The following GKN2 variants were observed in gnomAD, a reference collection of about 807,000 sequenced individuals.
GKN2 encodes the protein gastrokine-2.
A neutral mutation model predicts 22.7 loss-of-function variants in GKN2; 17 were observed. The ratio of observed to expected loss-of-function variants is 0.75; its 90% CI spans 0.51 to 1.13. The LOEUF is 1.13. GKN2 is among the 50% of genes most tolerant of loss of function. The pLI, the probability that GKN2 is intolerant of heterozygous loss-of-function variation, is 0.00. For synonymous variants in GKN2, 82 were observed against 79.6 expected (o/e 1.03, Z -0.16); for missense variants, 248 against 221.4 (o/e 1.12, Z -0.76).
chr2:68,950,991 T>G (rs1476089019), intron 1 of GKN2, among the ~76,000 whole-genome samples: 3 of 152,120 alleles, frequency 2.0e-5, no homozygotes, highest in Non-Finnish European at 4.4e-5. Context: ...GGTGCTACAA[T>G]TGCCACCTAA....
In GKN2 at chr2:68,947,167, A is replaced by T; in HGVS notation, c.295T>A (p.Trp99Arg). 1 of 1,611,200 alleles carries T rather than the reference A, an allele frequency of 6.2e-7. No homozygotes were observed. The highest frequency in any genetic ancestry group is 8.5e-7 in the Non-Finnish European group (1 of 1,177,356). ...QNIPPLNNLQ[W>R]YIYEKQALDN... is the part of the protein sequence containing the mutation. Reference sequence around the variant, plus strand: ...ATTACCTGTTTCTCATAGATGTACCATTGGAGATTGTTCAGAGGAGGGATG... The same window carrying T: ...ATTACCTGTTTCTCATAGATGTACCTTTGGAGATTGTTCAGAGGAGGGATG... Residue 99 changes from tryptophan to arginine, a missense_variant, in exon 4 of 6, where the codon TGG becomes AGG. Transcript: ENST00000328895.
intron 3 of GKN2, among the ~76,000 whole-genome samples, chr2:68,948,243 C>CAAAAA (rs765228049): frequency 1.6e-4 from 6 of 37,974 alleles, no homozygotes; most frequent in Admixed American, 2.8e-4. Flanking sequence ...GAGACTCCGT[C>CAAAAA]AAAAAAAAAA....
chr2:68,948,459 G>A (rs1018271449), intron 3 of GKN2, among the ~76,000 whole-genome samples: 7 of 152,130 alleles, frequency 4.6e-5, no homozygotes, highest in African/African-American at 1.7e-4. Context: ...GTTAGACAGT[G>A]CTGCTTTAGG....
intron 3 of GKN2, among the ~76,000 whole-genome samples, chr2:68,949,689 G>A (rs1054819330): frequency 4.6e-5 from 7 of 152,098 alleles, no homozygotes; most frequent in African/African-American, 1.7e-4. Context: ...CAAAGTGCTG[G>A]GATTACAGGC....
chr2:68,945,406 T>C lies in GKN2; in HGVS notation c.517A>G (p.Ile173Val), dbSNP rs749069078. ...GGCAKAGLLG[I>V]LGISICADIH... is the part of the protein sequence containing the mutation. Reference sequence around the variant, plus strand: ...TCTGCACAGATTGAAATTCCCAAGATGCCCAGGAGCCCAGCCTTTGCACAG... The same window carrying C: ...TCTGCACAGATTGAAATTCCCAAGACGCCCAGGAGCCCAGCCTTTGCACAG... Residue 173 changes from isoleucine to valine, a missense_variant, in exon 6 of 6, where the codon ATC (isoleucine) becomes GTC (valine). By Grantham distance (29) the Ile-to-Val change is conservative. Coordinates refer to ENST00000328895, the MANE Select transcript of GKN2 (RefSeq NM_182536.3). The C allele has an allele frequency of 2.5e-5, 41 of 1,611,634 alleles. No individual in the cohort carries two copies. The South Asian group carries it at 3.7e-4, about 15-fold the overall frequency.
intron 4 of GKN2, 86 bp from the exon 5 acceptor site, chr2:68,946,546 T>C (rs1201015383): frequency 8.8e-7 from 1 of 1,138,960 alleles, no homozygotes; most frequent in Non-Finnish European, 1.2e-6. Context: ...AATTTTTCTC[T>C]TTCAGATTAT....
chr2:68,950,705 G>A lies in GKN2; in HGVS notation c.63C>T (p.Tyr21=), dbSNP rs756580009. The change falls in exon 2 of 6, where the codon TAC becomes TAT. Residue 21 remains tyrosine, a synonymous_variant. Transcript: ENST00000328895. Reference sequence around the variant, plus strand: ...AGTCCATAAGGAACCAACTCACCTCGTATCCATGAGATTGTATCCCAAAGA... The same window carrying A: ...AGTCCATAAGGAACCAACTCACCTCATATCCATGAGATTGTATCCCAAAGA... The part of the protein sequence containing the change: ...LTIFGIQSHG[Y]EVFNIISPSN... The A allele has an allele frequency of 1.2e-5, 19 of 1,613,488 alleles. No homozygotes were observed. Among genetic ancestry groups the A allele is most frequent in the South Asian group, 4.4e-5 (4 of 91,076 alleles).
At position 68,945,413 on chromosome 2, in the gene GKN2, G is replaced by A. The variant is rs1208143160; in HGVS notation, c.510C>T (p.Leu170=). ...AGATTGAAATTCCCAAGATGCCCAG[G>A]AGCCCAGCCTTTGCACAGCCTCCAG... ...VGAGGCAKAG[L]LGILGISICA... is the part of the protein sequence containing the mutation. The change falls in exon 6 of 6, where the codon CTC becomes CTT. Residue 170 remains leucine, a synonymous_variant. Transcript: ENST00000328895. 3 of 1,611,490 alleles carry A rather than the reference G, an allele frequency of 1.9e-6. No individual in the cohort carries two copies. The Admixed American group carries it at 5.0e-5, about 27-fold the overall frequency.
At position 68,946,306 on chromosome 2, in the gene GKN2, G is replaced by T. The variant is rs1277229472; in HGVS notation, c.470C>A (p.Thr157Lys). 6.2e-7 allele frequency: 1 copy of T among 1,606,310 alleles called. No homozygotes were observed. ...GTGAATGACTTATTGGTACTCACGT[G>T]TGTTTTCAACCACTTCCCCCTTATA... ...PLYKGEVVENTHNVGAGGCAK... is the reference protein window; with the variant it reads ...PLYKGEVVENKHNVGAGGCAK... Residue 157 changes from threonine (T) to lysine (K), a missense_variant and splice_region_variant, in exon 5 of 6, where the codon ACA becomes AAA. Thr to Lys is a moderately conservative substitution (Grantham distance 78, BLOSUM62 -1). Coordinates refer to ENST00000328895, the MANE Select transcript of GKN2 (RefSeq NM_182536.3).
At chr2:68,949,250 C>A (rs1359525832) in intron 3 of GKN2, among the ~76,000 whole-genome samples, 1 of 152,158 alleles carries the variant, frequency 6.6e-6, no homozygotes, top group Non-Finnish European at 1.5e-5. Context: ...GTATCTAACA[C>A]TTGAAAATAG....
In GKN2 at chr2:68,945,507, A is replaced by G. The variant is rs951768623; in HGVS notation, c.473-57T>C. 7.1e-6 allele frequency: 9 copies of G among 1,265,224 alleles called. No homozygotes were observed. The African/African-American group carries it at 1.4e-4, about 19-fold the overall frequency. 78.4% of individuals were successfully genotyped at this position (1,265,224 alleles called of 1,614,324 possible). ...CATTAAAAAATATATTATTGGAATTATTAGAATAATAATACATTAGCTTAA... is the reference window on the plus strand; with the variant it reads ...CATTAAAAAATATATTATTGGAATTGTTAGAATAATAATACATTAGCTTAA... On this transcript the variant is annotated intron_variant, in intron 5 of 5. Transcript: ENST00000328895.
At chr2:68,948,129 C>A (rs1316236787) in intron 3 of GKN2, among the ~76,000 whole-genome samples, 3 of 151,554 alleles carry the variant, frequency 2.0e-5, no homozygotes, top group African/African-American at 7.3e-5. Flanking sequence ...ACCTGTAGTC[C>A]CAGCTACTCG....
At position 68,946,449 on chromosome 2, in the gene GKN2, G is replaced by A; in HGVS notation, c.327C>T (p.Asn109=). ...WYIYEKQALD[N]MFSSKYTWVK... is the part of the protein sequence containing the mutation. ...CCCAGGTGTATTTGCTGGAGAACAT[G>A]TTGTCCAGAGCCTAGATCGGTATAA... The change falls in exon 5 of 6, where the codon AAC becomes AAT. Residue 109 remains asparagine (N), a synonymous_variant. Coordinates refer to ENST00000328895, the MANE Select transcript of GKN2 (RefSeq NM_182536.3). The A allele has an allele frequency of 6.2e-7, 1 of 1,609,068 alleles. No homozygotes were observed. Among genetic ancestry groups the A allele is most frequent in the Admixed American group, 1.7e-5 (1 of 58,616 alleles).
chr2:68,948,771 T>C (rs1360337699), intron 3 of GKN2, among the ~76,000 whole-genome samples: 3 of 152,268 alleles, frequency 2.0e-5, no homozygotes, highest in African/African-American at 7.2e-5. Flanking sequence ...GAAATCTTTC[T>C]GGTTCTTATT....
intron 3 of GKN2, 142 bp from the exon 4 acceptor site, chr2:68,947,399 C>T: frequency 3.3e-6 from 2 of 605,102 alleles, no homozygotes; most frequent in African/African-American, 1.8e-5. Context: ...CTGCAATCAA[C>T]TTTATCCACT....
chr2:68,950,517 T>C (rs1669840532), intron 2 of GKN2, among the ~76,000 whole-genome samples, 185 bp downstream of exon 2: 1 of 152,236 alleles, frequency 6.6e-6, no homozygotes, highest in African/African-American at 2.4e-5. Flanking sequence ...AAGCAATGGC[T>C]TACATTTGCA....
chr2:68,950,188 T>G lies in GKN2; in HGVS notation c.142A>C (p.Thr48Pro), dbSNP rs79650871. The stretch of plus-strand genomic sequence containing the variant: ...CCTGCATGGATGTTAATGATGGCGG[T>G]ATTTTTTTCATTATCAATTGTCACT... ...ETVTIDNEKN[T>P]AIINIHAGSC... Residue 48 changes from threonine (T) to proline (P), a missense_variant, in exon 3 of 6, where the codon ACC becomes CCC. By Grantham distance (38) the Thr-to-Pro change is conservative (BLOSUM62 -1). Coordinates refer to ENST00000328895, the MANE Select transcript of GKN2 (RefSeq NM_182536.3). 1.9e-6 allele frequency: 3 copies of G among 1,614,046 alleles called. No individual in the cohort carries two copies. The African/African-American group carries it at 4.0e-5, about 21-fold the overall frequency.
At chr2:68,946,862 G>C (rs1182278823) in intron 4 of GKN2, among the ~76,000 whole-genome samples, 1 of 152,106 alleles carries the variant, frequency 6.6e-6, no homozygotes, top group Non-Finnish European at 1.5e-5. Context: ...TCATAGCCCT[G>C]CTCTGAGAAG....
rs1362679635 is a variant in GKN2 at position 68,947,165 on chromosome 2, C to A, written c.297G>T (p.Trp99Cys). ...QNIPPLNNLQWYIYEKQALDN... is the reference protein window; with the variant it reads ...QNIPPLNNLQCYIYEKQALDN... ...GAATTACCTGTTTCTCATAGATGTA[C>A]CATTGGAGATTGTTCAGAGGAGGGA... Residue 99 changes from tryptophan (W) to cysteine (C), a missense_variant, in exon 4 of 6, where the codon TGG becomes TGT. Trp to Cys is a radical substitution (Grantham distance 215). Coordinates refer to ENST00000328895, the MANE Select transcript of GKN2 (RefSeq NM_182536.3). 1 of 1,610,258 alleles carries A rather than the reference C, an allele frequency of 6.2e-7. No homozygotes were observed. Among genetic ancestry groups the A allele is most frequent in the African/African-American group, 1.3e-5 (1 of 74,808 alleles).
Sources: gnomAD v4.1 joint callset for allele counts (sites outside exome capture counted in the v4.1 genomes callset) on GRCh38, gnomAD v4.1.1 for gene constraint, MANE v1.5 for transcripts, NCBI Gene and HGNC (gene_info 2026-07-23, HGNC 2026-07-21) for gene names.